PBX3: variants seen among roughly 807,000 people sequenced by gnomAD.
The protein encoded by PBX3 is PBX homeobox 3.
A neutral mutation model predicts 48.5 loss-of-function variants in PBX3; 14 were observed. The observed-to-expected ratio is 0.29, with a 90% CI of 0.19 to 0.45. The LOEUF is 0.45. Among genes scored for constraint, PBX3 ranks in the 20% least tolerant of loss-of-function variants. PBX3 has a pLI of 1.00. For missense variants in PBX3, 386 were observed against 546.7 expected, an observed-to-expected ratio of 0.71 and a Z score of 2.93; for synonymous variants, 210 against 200.3, an observed-to-expected ratio of 1.05 and a Z score of -0.41.
intron 2 of PBX3, among the ~76,000 whole-genome samples, chr9:125,869,824 T>C (rs1300927476): frequency 1.3e-5 from 2 of 151,510 alleles, no homozygotes; most frequent in East Asian, 1.9e-4. Flanking sequence ...GAAAGGAAAA[T>C]AGGAAATTTG....
intron 2 of PBX3, among the ~76,000 whole-genome samples, chr9:125,830,473 A>G (rs1838927614): frequency 6.6e-6 from 1 of 152,114 alleles, no homozygotes; most frequent in Non-Finnish European, 1.5e-5. Flanking sequence ...AGTAATAGAA[A>G]AGTACTTATT....
intron 2 of PBX3, among the ~76,000 whole-genome samples, chr9:125,812,820 A>G (rs1159443166): frequency 2.0e-5 from 3 of 152,220 alleles, no homozygotes; most frequent in Admixed American, 6.5e-5. Flanking sequence ...GCTGAATACT[A>G]TAGGTAATTT....
chr9:125,864,849 A>G (rs924681979), intron 2 of PBX3, among the ~76,000 whole-genome samples: 3 of 152,322 alleles, frequency 2.0e-5, no homozygotes, highest in Admixed American at 6.5e-5. Flanking sequence ...GGGATTGGGG[A>G]CTGCTGTCCT....
At chr9:125,763,874 A>G (rs1327626743) in intron 2 of PBX3, among the ~76,000 whole-genome samples, 1 of 152,218 alleles carries the variant, frequency 6.6e-6, no homozygotes, top group Non-Finnish European at 1.5e-5. Context: ...TATTTCATAA[A>G]TATTATGATA....
intron 2 of PBX3, chr9:125,797,287 A>G (rs1837813055): frequency 6.6e-6 from 1 of 152,308 alleles, no homozygotes; most frequent in East Asian, 1.9e-4. Flanking sequence ...AATTTAAATT[A>G]CTAATCAGTA....
chr9:125,764,683 A>T (rs774796698), intron 2 of PBX3, among the ~76,000 whole-genome samples: 4 of 152,224 alleles, frequency 2.6e-5, no homozygotes, highest in Non-Finnish European at 4.4e-5. Flanking sequence ...TTAAGATCCG[A>T]AATGGTTCTT....
chr9:125,886,282 AC>A (rs1374445567), intron 2 of PBX3, among the ~76,000 whole-genome samples: 3 of 152,106 alleles, frequency 2.0e-5, no homozygotes, highest in African/African-American at 7.2e-5. Context: ...CTCAAAACCC[AC>A]TGTGGAATAG....
intron 2 of PBX3, among the ~76,000 whole-genome samples, chr9:125,834,121 G>T (rs1036176504): frequency 6.6e-6 from 1 of 152,190 alleles, no homozygotes; most frequent in Non-Finnish European, 1.5e-5. Flanking sequence ...ACAATTAAGT[G>T]CAGGGAGACA....
At position 125,966,077 on chromosome 9, in the gene PBX3, T is replaced by A; in HGVS notation, c.*154T>A. ...CTTGGTAAATCTGTTTTTTAAGGAA[T>A]CATAATCATTTGTATTTATACTTAA... On this transcript the variant is annotated 3_prime_UTR_variant, in exon 9 of 9. Transcript: ENST00000373489. 1 of 521,046 alleles carries A rather than the reference T, an allele frequency of 1.9e-6. No individual in the cohort carries two copies. The highest frequency in any genetic ancestry group is 3.4e-6 in the Non-Finnish European group (1 of 291,082). 32.3% of individuals were successfully genotyped at this position (521,046 alleles called of 1,614,324 possible).
intron 2 of PBX3, among the ~76,000 whole-genome samples, chr9:125,852,163 A>G (rs1839602063): frequency 6.6e-6 from 1 of 152,132 alleles, no homozygotes; most frequent in African/African-American, 2.4e-5. Flanking sequence ...CTGCTGCCAT[A>G]TGTTACTTTC....
intron 2 of PBX3, among the ~76,000 whole-genome samples, chr9:125,876,966 G>A (rs1486553675): frequency 1.3e-5 from 2 of 151,994 alleles, no homozygotes; most frequent in African/African-American, 4.8e-5. Context: ...TAGAGACGGG[G>A]TTTCACCATA....
rs137950067 is a variant in PBX3, at chr9:125,820,171, C to CA, written c.274+71550dup. 4.6e-3 allele frequency among the ~76,000 whole-genome samples: 697 copies of CA among 152,260 alleles called. 6 individuals are homozygous for CA. Among genetic ancestry groups the CA allele is most frequent in the African/African-American group, 0.016 (647 of 41,544 alleles). On this transcript the variant is annotated intron_variant, in intron 2 of 8. Coordinates refer to ENST00000373489, the MANE Select transcript of PBX3 (RefSeq NM_006195.6). ...AATTGACCACACTGGATCTGTAGCCCAAGCTATTAGTTTAGTCTTAGTGTA... is the reference window on the plus strand; with the variant it reads ...AATTGACCACACTGGATCTGTAGCCCAAAGCTATTAGTTTAGTCTTAGTGTA...
intron 2 of PBX3, among the ~76,000 whole-genome samples, chr9:125,864,954 C>T (rs925206720): frequency 1.1e-4 from 17 of 152,172 alleles, no homozygotes; most frequent in African/African-American, 3.9e-4. Context: ...GAGAAATAGG[C>T]GACTTGTCTG....
chr9:125,841,671 A>G lies in PBX3; in HGVS notation c.275-74015A>G, dbSNP rs569403789. On this transcript the variant is annotated intron_variant, in intron 2 of 8. Transcript: ENST00000373489. ...TGTTTTGGTCTTGAGCTTGCTTGCA[A>G]TGCCTCTAGTACATAGACCCAGCTT... Among the ~76,000 whole-genome samples the G allele has an allele frequency of 3.6e-4, 55 of 152,250 alleles. 1 individual carries two copies. The highest frequency in any genetic ancestry group is 2.2e-4 in the Non-Finnish European group (15 of 68,012).
At chr9:125,918,120 T>C (rs897337565) in intron 3 of PBX3, among the ~76,000 whole-genome samples, 2 of 152,278 alleles carry the variant, frequency 1.3e-5, no homozygotes, top group Non-Finnish European at 2.9e-5. Context: ...TGGAAAGAGA[T>C]ATAATATTAG....
chr9:125,898,461 T>A (rs114991038), intron 2 of PBX3, among the ~76,000 whole-genome samples: 25 of 120,268 alleles, frequency 2.1e-4, no homozygotes, highest in Admixed American at 4.3e-4. Flanking sequence ...AAAAAAAAAA[T>A]AAAAAAAAGG....
intron 2 of PBX3, among the ~76,000 whole-genome samples, chr9:125,859,174 T>G (rs1363441151): frequency 6.6e-6 from 1 of 152,216 alleles, no homozygotes; most frequent in Non-Finnish European, 1.5e-5. Flanking sequence ...GTTAGATTGC[T>G]TTTCATCTTT....
intron 5 of PBX3, among the ~76,000 whole-genome samples, chr9:125,939,297 A>C (rs531494640): frequency 6.6e-6 from 1 of 152,344 alleles, no homozygotes; most frequent in East Asian, 1.9e-4. Flanking sequence ...AAAAATAGGC[A>C]AAAGAGTCAA....
intron 2 of PBX3, among the ~76,000 whole-genome samples, chr9:125,899,238 AATATACAT>A (rs1840853647): frequency 7.7e-6 from 1 of 130,446 alleles, no homozygotes; most frequent in Non-Finnish European, 1.7e-5. Flanking sequence ...TTTATATATA[AATATACAT>A]ATGTATATAT....
Sources: gnomAD v4.1 joint callset for allele counts (sites outside exome capture counted in the v4.1 genomes callset) on GRCh38, gnomAD v4.1.1 for gene constraint, MANE v1.5 for transcripts, NCBI Gene and HGNC (gene_info 2026-07-23, HGNC 2026-07-21) for gene names.